The following AUTS2 variants were observed in gnomAD, a reference collection of about 807,000 sequenced individuals.
AUTS2 encodes activator of transcription and developmental regulator AUTS2, also known as autism susceptibility gene 2 protein.
In AUTS2, 17 loss-of-function variants were observed where a neutral mutation model predicts 112.4. That is an observed-to-expected ratio of 0.15 (90% CI 0.10 to 0.23). AUTS2 has a LOEUF of 0.23. AUTS2 is among the 10% of genes least tolerant of loss of function. AUTS2 has a pLI of 1.00. For synonymous variants in AUTS2, 751 were observed against 702.7 expected (o/e 1.07, Z -1.09); for missense variants, 1,510 against 1,701.6 (o/e 0.89, Z 1.98).
At chr7:69,623,316 G>T (rs1431831387) in intron 1 of AUTS2, among the ~76,000 whole-genome samples, 1 of 151,414 alleles carries the variant, frequency 6.6e-6, no homozygotes, top group East Asian at 1.9e-4. Context: ...TCAAACTCCT[G>T]GGCTCAAGCA....
At chr7:70,028,990 C>T (rs1800649935) in intron 2 of AUTS2, among the ~76,000 whole-genome samples, 1 of 152,108 alleles carries the variant, frequency 6.6e-6, no homozygotes, top group African/African-American at 2.4e-5. Context: ...TCAAAGGCTC[C>T]CTCTCTTGGG....
At chr7:70,604,316 C>G (rs1216145514) in intron 5 of AUTS2, among the ~76,000 whole-genome samples, 1 of 152,204 alleles carries the variant, frequency 6.6e-6, no homozygotes, top group Non-Finnish European at 1.5e-5. Context: ...GTGTCAGTGC[C>G]CACAGCATGC....
At chr7:70,453,623 T>A (rs1175451643) in intron 5 of AUTS2, among the ~76,000 whole-genome samples, 1 of 152,232 alleles carries the variant, frequency 6.6e-6, no homozygotes, top group Non-Finnish European at 1.5e-5. Context: ...TCCCAGACGC[T>A]CTAAAGGAGA....
At chr7:70,628,559 A>AC (rs1805083964) in intron 5 of AUTS2, among the ~76,000 whole-genome samples, 1 of 33,862 alleles carries the variant, frequency 3.0e-5, no homozygotes, top group Non-Finnish European at 5.1e-5. Flanking sequence ...TGCTATTAAT[A>AC]GTATACCTAC....
chr7:70,058,106 C>T (rs1802074598), intron 2 of AUTS2, among the ~76,000 whole-genome samples: 1 of 152,054 alleles, frequency 6.6e-6, no homozygotes, highest in Non-Finnish European at 1.5e-5. Flanking sequence ...GGACTAATTC[C>T]CAGATGAAAG....
At chr7:69,661,790 G>A (rs1795809391) in intron 1 of AUTS2, among the ~76,000 whole-genome samples, 1 of 152,302 alleles carries the variant, frequency 6.6e-6, no homozygotes, top group African/African-American at 2.4e-5. Context: ...AGTGTTGCAT[G>A]TGTATTTGTG....
chr7:70,165,163 T>C (rs1029729361), intron 4 of AUTS2, among the ~76,000 whole-genome samples: 7 of 152,058 alleles, frequency 4.6e-5, no homozygotes, highest in African/African-American at 1.7e-4. Flanking sequence ...GCCTTTCAAC[T>C]GAAATAGAGC....
chr7:70,472,502 A>G (rs948599341), intron 5 of AUTS2, among the ~76,000 whole-genome samples: 7 of 151,964 alleles, frequency 4.6e-5, no homozygotes, highest in Non-Finnish European at 8.8e-5. Context: ...TAGAATGTTT[A>G]CATTGTAACT....
At chr7:69,799,513 T>C (rs977340377) in intron 1 of AUTS2, among the ~76,000 whole-genome samples, 1 of 152,126 alleles carries the variant, frequency 6.6e-6, no homozygotes, top group Non-Finnish European at 1.5e-5. Context: ...GGAAGTGTCA[T>C]TCATGGGTTC....
chr7:70,234,625 A>G (rs979289377), intron 4 of AUTS2, among the ~76,000 whole-genome samples: 4 of 152,110 alleles, frequency 2.6e-5, no homozygotes, highest in South Asian at 4.1e-4. Context: ...AACTCCTCCT[A>G]TCTCCTTAAA....
intron 4 of AUTS2, among the ~76,000 whole-genome samples, chr7:70,207,363 A>G (rs1810624662): frequency 6.6e-6 from 1 of 152,246 alleles, no homozygotes; most frequent in Admixed American, 6.5e-5. Flanking sequence ...TGTTTGAAAG[A>G]ATAAACTGTT....
At chr7:70,256,846 C>T (rs995060140) in intron 4 of AUTS2, among the ~76,000 whole-genome samples, 2 of 152,164 alleles carry the variant, frequency 1.3e-5, no homozygotes, top group African/African-American at 2.4e-5. Flanking sequence ...GTGTCTTTAT[C>T]CCACCTCAGC....
At chr7:70,131,172 C>T (rs1293464268) in intron 3 of AUTS2, among the ~76,000 whole-genome samples, 1 of 152,058 alleles carries the variant, frequency 6.6e-6, no homozygotes, top group Non-Finnish European at 1.5e-5. Context: ...ATAGGGGAGG[C>T]TTGGCACGGC....
At chr7:70,728,979 C>A (rs1025265257) in intron 6 of AUTS2, among the ~76,000 whole-genome samples, 21 of 152,086 alleles carry the variant, frequency 1.4e-4, no homozygotes, top group African/African-American at 4.8e-4. Flanking sequence ...GCGCTCTCTC[C>A]CAAGGGGCCA....
intron 5 of AUTS2, among the ~76,000 whole-genome samples, chr7:70,506,268 C>A (rs1798957275): frequency 6.6e-6 from 1 of 152,188 alleles, no homozygotes; most frequent in Non-Finnish European, 1.5e-5. Flanking sequence ...AGAGCCCGAA[C>A]AGCAGTAGCG....
chr7:70,266,300 A>T (rs566264694), intron 4 of AUTS2, among the ~76,000 whole-genome samples: 2 of 152,350 alleles, frequency 1.3e-5, no homozygotes, highest in East Asian at 3.9e-4. Flanking sequence ...CAAACGGCAC[A>T]TACTGATTGT....
At chr7:70,455,372 G>T (rs1411012239) in intron 5 of AUTS2, among the ~76,000 whole-genome samples, 1 of 152,146 alleles carries the variant, frequency 6.6e-6, no homozygotes, top group Non-Finnish European at 1.5e-5. Flanking sequence ...GGACTGAAGT[G>T]GGGAGAGTGA....
chr7:70,169,248 A>AT (rs1286355110), intron 4 of AUTS2, among the ~76,000 whole-genome samples: 27 of 150,920 alleles, frequency 1.8e-4, no homozygotes, highest in African/African-American at 2.7e-4. Flanking sequence ...TAATATATAT[A>AT]TATTTTTTTT....
At position 70,518,153 on chromosome 7, in the gene AUTS2, A is replaced by G. The variant is rs559996137; in HGVS notation, c.690+82372A>G. Among the ~76,000 whole-genome samples the G allele has an allele frequency of 7.2e-5, 11 of 152,356 alleles. No homozygotes were observed. The East Asian group carries it at 1.7e-3, about 24-fold the overall frequency. On this transcript the variant is annotated intron_variant, in intron 5 of 18. Transcript: ENST00000342771. Reference sequence around the variant, plus strand: ...GCAAAGCCTGGCTAAATTTATTCTAATGTCCATTCTTATGCTGAAAGCTAG... The same window carrying G: ...GCAAAGCCTGGCTAAATTTATTCTAGTGTCCATTCTTATGCTGAAAGCTAG...
Sources: allele counts gnomAD v4.1 joint callset (sites outside exome capture counted in the v4.1 genomes callset), GRCh38; gene constraint gnomAD v4.1.1; transcripts MANE v1.5; gene names NCBI Gene and HGNC (gene_info 2026-07-23, HGNC 2026-07-21).